Variants in IQCK observed in about 807,000 individuals in gnomAD.
The protein encoded by IQCK is IQ motif containing K.
IQCK carries 29 observed loss-of-function variants against 28.1 expected under a neutral mutation model. The ratio of observed to expected loss-of-function variants is 1.03; its 90% confidence interval spans 0.77 to 1.41. The LOEUF (loss-of-function observed/expected upper bound fraction) is 1.41. Ranked by LOEUF, IQCK falls within the 40% of genes most tolerant of loss-of-function variation. The pLI is 0.00. For synonymous variants in IQCK, 113 were observed against 115.1 expected (o/e 0.98, Z 0.12); for missense variants, 359 against 314.7 (o/e 1.14, Z -1.07).
intron 7 of IQCK, among the ~76,000 whole-genome samples, chr16:19,803,762 C>T (rs1331455188): frequency 6.6e-6 from 1 of 152,130 alleles, no homozygotes; most frequent in Non-Finnish European, 1.5e-5. Flanking sequence ...AAACGATTCT[C>T]CCAGTTCAGC....
downstream of IQCK, among the ~76,000 whole-genome samples, chr16:19,829,782 G>A (rs545482085): frequency 1.3e-5 from 2 of 152,282 alleles, no homozygotes; most frequent in Non-Finnish European, 2.9e-5. Context: ...TATTAGGTTG[G>A]TGCAAGAATA....
At position 19,730,549 on chromosome 16, in the gene IQCK, T is replaced by C. The variant is rs115112812; in HGVS notation, c.246+55T>C. The C allele has an allele frequency of 0.011, 14,904 of 1,350,854 alleles. 1,204 individuals are homozygous for C. In the African/African-American group the frequency reaches 0.18, roughly 17 times the overall value. The allele number at this position is 1,350,854 out of a possible 1,614,324, so 83.7% of individuals were successfully genotyped here. A position where few individuals can be genotyped will look rare whatever the true frequency, so the allele number is the denominator to read the frequency against. The stretch of plus-strand genomic sequence containing the variant: ...AAGAAGCTCTTAAATGAGAATAGCA[T>C]TGATGGCCTGTGAATGTCACACAGT... On this transcript the variant is annotated intron_variant, in intron 2 of 7. Coordinates refer to ENST00000564186, the Ensembl canonical transcript of IQCK.
At chr16:19,727,542 G>A (rs1458961249) in intron 1 of IQCK, among the ~76,000 whole-genome samples, 1 of 149,090 alleles carries the variant, frequency 6.7e-6, no homozygotes, top group African/African-American at 2.5e-5. Flanking sequence ...AGCCGAGATC[G>A]TGCCACTGCA....
intron 2 of IQCK, among the ~76,000 whole-genome samples, chr16:19,731,439 CT>C (rs1439841274): frequency 6.6e-6 from 1 of 152,172 alleles, no homozygotes; most frequent in Non-Finnish European, 1.5e-5. Flanking sequence ...TAAAAACTTT[CT>C]TGTTCTGTGA....
intron 6 of IQCK, among the ~76,000 whole-genome samples, chr16:19,775,433 C>A (rs974865814): frequency 2.6e-5 from 4 of 152,078 alleles, no homozygotes; most frequent in African/African-American, 9.7e-5. Context: ...TAACTACCTA[C>A]CTACCAAACA....
exon 10 of IQCK, chr16:19,857,611 CATCATTGGATTAT>C (rs1211213016): frequency 1.6e-5 from 5 of 311,912 alleles, no homozygotes; most frequent in African/African-American, 1.1e-4. Flanking sequence ...ATCATCATTG[CATCATTGGATTAT>C]AAAAGCCACA....
chr16:19,822,980 C>A (rs2141085292), intron 7 of IQCK, among the ~76,000 whole-genome samples: 1 of 152,188 alleles, frequency 6.6e-6, no homozygotes, highest in East Asian at 1.9e-4. Context: ...GGTGGCCCCT[C>A]TATCAATAGG....
intron 2 of IQCK, among the ~76,000 whole-genome samples, chr16:19,733,489 C>T (rs1289783495): frequency 1.3e-5 from 2 of 152,276 alleles, no homozygotes; most frequent in African/African-American, 2.4e-5. Context: ...GTCTCATCCA[C>T]AGCTGGTCCT....
chr16:19,857,380 A>G, exon 10 of IQCK: 1 of 418,422 alleles, frequency 2.4e-6, no homozygotes, highest in Non-Finnish European at 4.6e-6. Context: ...CAGCCTTTTA[A>G]ATTTGTAATA....
intron 4 of IQCK, among the ~76,000 whole-genome samples, chr16:19,748,024 A>G (rs2054935886): frequency 6.6e-6 from 1 of 151,264 alleles, no homozygotes; most frequent in East Asian, 1.9e-4. Context: ...TAAATGAGCT[A>G]ATGTGTGAAG....
chr16:19,840,844 T>C (rs1239996399), intron 9 of IQCK, among the ~76,000 whole-genome samples: 1 of 152,206 alleles, frequency 6.6e-6, no homozygotes, highest in Non-Finnish European at 1.5e-5. Flanking sequence ...GAGAAATCTG[T>C]TGGTGTTCAG....
chr16:19,845,139 T>C (rs1005816151), intron 9 of IQCK, among the ~76,000 whole-genome samples: 5 of 152,210 alleles, frequency 3.3e-5, no homozygotes, highest in Non-Finnish European at 7.3e-5. Context: ...TTCTTGATGT[T>C]AGCCCTATCT....
chr16:19,759,108 C>T (rs917967179), intron 4 of IQCK, among the ~76,000 whole-genome samples: 3 of 152,060 alleles, frequency 2.0e-5, no homozygotes, highest in African/African-American at 7.2e-5. Flanking sequence ...GAGTTTTTTT[C>T]TTGCTTTGAT....
At chr16:19,777,573 T>C (rs2055412435) in intron 6 of IQCK, among the ~76,000 whole-genome samples, 1 of 152,216 alleles carries the variant, frequency 6.6e-6, no homozygotes, top group Non-Finnish European at 1.5e-5. Flanking sequence ...GCTTTTTATA[T>C]TCACATTCAT....
chr16:19,769,518 G>A lies in IQCK; in HGVS notation c.605+5406G>A, dbSNP rs542843137. On this transcript the variant is annotated intron_variant, in intron 6 of 7. Transcript: ENST00000564186. ...TGACATTCCAGGCCAAAGACCCAAA[G>A]ATGGGAGAAGAGACAGGATTTGGTC... Among the ~76,000 whole-genome samples the A allele has an allele frequency of 2.0e-5, 3 of 152,336 alleles. No individual in the cohort carries two copies. In the South Asian group the frequency reaches 6.2e-4, roughly 32 times the overall value.
intron 4 of IQCK, among the ~76,000 whole-genome samples, chr16:19,735,933 G>A (rs1000478037): frequency 6.6e-6 from 1 of 151,984 alleles, no homozygotes; most frequent in African/African-American, 2.4e-5. Flanking sequence ...AGGTGTGGTG[G>A]CGCATACCTG....
At chr16:19,803,886 G>T (rs760735639) in intron 7 of IQCK, among the ~76,000 whole-genome samples, 3 of 152,162 alleles carry the variant, frequency 2.0e-5, no homozygotes, top group Non-Finnish European at 2.9e-5. Context: ...GGCCTTAAGT[G>T]ATTCTCTCAC....
chr16:19,743,380 C>T (rs2054864196), intron 4 of IQCK, among the ~76,000 whole-genome samples: 1 of 152,158 alleles, frequency 6.6e-6, no homozygotes, highest in Non-Finnish European at 1.5e-5. Context: ...GCTAGGCTCC[C>T]TGGAGCTGGA....
At chr16:19,835,486 T>A (rs2056283257) in intron 9 of IQCK, among the ~76,000 whole-genome samples, 1 of 152,142 alleles carries the variant, frequency 6.6e-6, no homozygotes, top group African/African-American at 2.4e-5. Context: ...AACCAATTCC[T>A]ATGAATGGAT....
Sources: gnomAD v4.1 joint callset for allele counts (sites outside exome capture counted in the v4.1 genomes callset) on GRCh38, gnomAD v4.1.1 for gene constraint, MANE v1.5 for transcripts, NCBI Gene and HGNC (gene_info 2026-07-23, HGNC 2026-07-21) for gene names.